Variants in CCDC171 observed in about 807,000 individuals in gnomAD.
CCDC171 encodes the protein coiled-coil domain containing 171.
CCDC171 carries 177 observed loss-of-function variants against 168.2 expected under a neutral mutation model. The ratio of observed to expected loss-of-function variants is 1.05; its 90% CI spans 0.93 to 1.19. The LOEUF is 1.19. Ranked by LOEUF, CCDC171 falls within the 50% of genes most tolerant of loss-of-function variation. CCDC171 has a pLI of 0.00. For synonymous variants in CCDC171, 687 were observed against 540.8 expected (o/e 1.27, Z -3.75); for missense variants, 1,991 against 1,539.0 (o/e 1.29, Z -4.91).
chr9:15,623,220 T>A, intron 6 of CCDC171, 47 bp from the exon 7 acceptor site: 2 of 1,444,356 alleles, frequency 1.4e-6, no homozygotes, highest in Non-Finnish European at 1.9e-6. Flanking sequence ...CTCTTAGTCA[T>A]TGATGGCTTA....
In CCDC171 at chr9:15,778,981, C is replaced by T. The variant is rs749392658; in HGVS notation, c.2912C>T (p.Ser971Leu). The T allele has an allele frequency of 1.2e-5, 19 of 1,524,128 alleles. No individual in the cohort carries two copies. The highest frequency in any genetic ancestry group is 2.4e-5 in the East Asian group (1 of 41,878). 94.4% of individuals were successfully genotyped at this position (1,524,128 alleles called of 1,614,324 possible). Reference protein sequence around the residue: ...GHVPITKSTASLQKQILGFTQ... With the variant: ...GHVPITKSTALLQKQILGFTQ... The stretch of plus-strand genomic sequence containing the variant: ...GTTTAACAACAGAAAAGCACAGCAT[C>T]GTTGCAGAAGCAAATACTTGGATTT... The change falls in exon 20 of 26, where the codon TCG (serine) becomes TTG (leucine). Residue 971 changes from serine (S) to leucine (L), a missense_variant. Physicochemically the swap from Ser to Leu is moderately radical, Grantham distance 145 (BLOSUM62 -2). Coordinates refer to ENST00000380701, the MANE Select transcript of CCDC171 (RefSeq NM_173550.4).
chr9:15,594,047 T>A lies in CCDC171; in HGVS notation c.550T>A (p.Leu184Met), dbSNP rs746358599. 1 of 1,584,804 alleles carries A rather than the reference T, an allele frequency of 6.3e-7. No individual in the cohort carries two copies. Among genetic ancestry groups the A allele is most frequent in the Non-Finnish European group, 8.6e-7 (1 of 1,165,036 alleles). ...SRLEKTLQEALEKHQREKNEM... is the reference protein window; with the variant it reads ...SRLEKTLQEAMEKHQREKNEM... ...AGATTTTATTTATATAAAGGAAGCG[T>A]TGGAAAAACATCAACGGGAGAAGAA... The change falls in exon 6 of 26, where the codon TTG becomes ATG. Residue 184 changes from leucine to methionine, a missense_variant. Transcript: ENST00000380701.
At chr9:15,950,207 A>T (rs10738418) in intron 25 of CCDC171, among the ~76,000 whole-genome samples, 47,401 of 152,038 alleles carry the variant, frequency 0.31, 9,193 homozygotes, top group East Asian at 0.62. Flanking sequence ...TCTGCAGGAT[A>T]TCATCCAGGA....
chr9:15,758,152 G>T (rs2056240041), intron 18 of CCDC171, among the ~76,000 whole-genome samples: 1 of 152,138 alleles, frequency 6.6e-6, no homozygotes, highest in Non-Finnish European at 1.5e-5. Context: ...CTGTTCACTT[G>T]GAAAAGCCAC....
At chr9:15,778,276 C>T (rs915517029) in intron 19 of CCDC171, among the ~76,000 whole-genome samples, 1 of 131,048 alleles carries the variant, frequency 7.6e-6, no homozygotes, top group African/African-American at 3.0e-5. Context: ...CGCAGTCTGC[C>T]GCAGTCTGGC....
At chr9:16,001,406 G>A (rs926881950) in intron 3 of CCDC171, among the ~76,000 whole-genome samples, 1 of 152,086 alleles carries the variant, frequency 6.6e-6, no homozygotes, top group Non-Finnish European at 1.5e-5. Context: ...GTATGTGTGT[G>A]TGTGTGTGTG....
intron 21 of CCDC171, among the ~76,000 whole-genome samples, chr9:15,809,878 C>A (rs1194101669): frequency 6.6e-6 from 1 of 152,196 alleles, no homozygotes. Context: ...CCACATCCTG[C>A]TGATTGGTTC....
At chr9:15,959,661 G>A (rs560338550) in intron 25 of CCDC171, among the ~76,000 whole-genome samples, 5 of 152,028 alleles carry the variant, frequency 3.3e-5, no homozygotes, top group Non-Finnish European at 5.9e-5. Flanking sequence ...ACCATTGTGC[G>A]GACTCTAGAG....
chr9:16,042,894 A>G (rs537474433), intron 1 of CCDC171: 2 of 152,338 alleles, frequency 1.3e-5, no homozygotes, highest in Admixed American at 1.3e-4. Context: ...TAGGTGAGCA[A>G]GTGCACCAAG....
intron 10 of CCDC171, among the ~76,000 whole-genome samples, chr9:15,690,914 G>A (rs1387109878): frequency 6.6e-6 from 1 of 152,122 alleles, no homozygotes; most frequent in Non-Finnish European, 1.5e-5. Context: ...TTAAAATGAA[G>A]TAAATGCACA....
At chr9:15,951,744 C>T (rs1209066803) in intron 25 of CCDC171, among the ~76,000 whole-genome samples, 1 of 151,974 alleles carries the variant, frequency 6.6e-6, no homozygotes, top group African/African-American at 2.4e-5. Flanking sequence ...TAGAAGTTTT[C>T]TATATATTCT....
chr9:15,661,047 G>C (rs1433976044), intron 8 of CCDC171, among the ~76,000 whole-genome samples: 2 of 152,132 alleles, frequency 1.3e-5, no homozygotes, highest in East Asian at 3.8e-4. Flanking sequence ...TTGGGAGGCC[G>C]AGGCGGGTGG....
At chr9:15,763,053 A>G (rs757187725) in intron 18 of CCDC171, among the ~76,000 whole-genome samples, 4 of 152,196 alleles carry the variant, frequency 2.6e-5, no homozygotes, top group Non-Finnish European at 5.9e-5. Flanking sequence ...CAGGTTGGAC[A>G]GTTTTCTAGA....
intron 10 of CCDC171, among the ~76,000 whole-genome samples, chr9:15,687,173 A>G (rs1024286832): frequency 3.3e-5 from 5 of 152,374 alleles, no homozygotes; most frequent in African/African-American, 4.8e-5. Context: ...CAAGTCTAAA[A>G]GAAATCACAA....
intron 3 of CCDC171, among the ~76,000 whole-genome samples, chr9:16,015,691 C>T (rs565778726): frequency 3.7e-4 from 56 of 152,250 alleles, no homozygotes; most frequent in Middle Eastern, 3.4e-3. Context: ...GCATTGAGAG[C>T]ATTCGTATTG....
chr9:16,023,112 T>A (rs958646397), intron 6 of CCDC171, among the ~76,000 whole-genome samples: 1 of 151,636 alleles, frequency 6.6e-6, no homozygotes, highest in Non-Finnish European at 1.5e-5. Context: ...TTTTTTTTTT[T>A]AAATGGAGTC....
intron 11 of CCDC171, among the ~76,000 whole-genome samples, chr9:15,707,589 C>G (rs1281487598): frequency 6.6e-6 from 1 of 152,112 alleles, no homozygotes; most frequent in Non-Finnish European, 1.5e-5. Context: ...CACTTTCTCC[C>G]TTCCTTACTT....
At chr9:15,991,912 G>A (rs570923438) in intron 3 of CCDC171, among the ~76,000 whole-genome samples, 2 of 152,182 alleles carry the variant, frequency 1.3e-5, no homozygotes, top group Admixed American at 1.3e-4. Context: ...ACCGATAACA[G>A]GCTCTGAAAT....
chr9:15,747,069 G>T (rs1032995455), intron 18 of CCDC171, among the ~76,000 whole-genome samples: 1 of 152,210 alleles, frequency 6.6e-6, no homozygotes, highest in South Asian at 2.1e-4. Flanking sequence ...GGAGCTTGGC[G>T]GGGGGAGGGC....
Sources: gnomAD v4.1 joint callset for allele counts (sites outside exome capture counted in the v4.1 genomes callset) on GRCh38, gnomAD v4.1.1 for gene constraint, MANE v1.5 for transcripts, NCBI Gene and HGNC (gene_info 2026-07-23, HGNC 2026-07-21) for gene names.